The following SHOX variants were observed in gnomAD, a reference collection of about 807,000 sequenced individuals.
SHOX encodes the protein short stature homeobox protein.
A neutral mutation model predicts 29.6 loss-of-function variants in SHOX; 12 were observed. The ratio of observed to expected loss-of-function variants is 0.41; its 90% confidence interval spans 0.26 to 0.66. The LOEUF is 0.66. SHOX is among the 30% of genes least tolerant of loss of function. The probability of loss-of-function intolerance (pLI) is 0.35; values close to 1 mark genes in which losing one functional copy is unlikely to be tolerated. For synonymous variants in SHOX, 214 were observed against 200.6 expected (o/e 1.07, Z -0.57); for missense variants, 499 against 437.7 (o/e 1.14, Z -1.25).
At chrX:636,799 A>C (rs1356042111) in intron 2 of SHOX, among the ~76,000 whole-genome samples, 1 of 144,538 alleles carries the variant, frequency 6.9e-6, no homozygotes, top group Non-Finnish European at 1.5e-5. Context: ...AAATATATAT[A>C]TATTTTTGGC....
At position 634,816 on chromosome X, in the gene SHOX, C is replaced by A; in HGVS notation, c.476C>A (p.Ala159Glu). 1 of 1,571,050 alleles carries A rather than the reference C, an allele frequency of 6.4e-7. No homozygotes were observed. Among genetic ancestry groups the A allele is most frequent in the Non-Finnish European group, 8.6e-7 (1 of 1,158,446 alleles). ...ELSQRLGLSE[A>E]RVQVWFQNRR... is the part of the protein sequence containing the mutation. ...AGCCAGCGCCTGGGGCTCTCCGAGGCGCGCGTGCAGGTAGGAACCCGGGGG... is the reference window on the plus strand; with the variant it reads ...AGCCAGCGCCTGGGGCTCTCCGAGGAGCGCGTGCAGGTAGGAACCCGGGGG... The change falls in exon 2 of 5, where the codon GCG becomes GAG. Residue 159 changes from alanine (A) to glutamate (E), a missense_variant. Physicochemically the swap from Ala to Glu is moderately radical, Grantham distance 107. Transcript: ENST00000686671.
chrX:653,517 A>AT (rs973639737), downstream of SHOX, among the ~76,000 whole-genome samples: 13 of 151,856 alleles, frequency 8.6e-5, no homozygotes, highest in East Asian at 1.9e-4. Flanking sequence ...CCAGATCTTC[A>AT]TTTTTTTTGC....
Position 644,790 on chromosome X carries a change from C to A in SHOX, c.*154C>A, listed in dbSNP as rs995705769. ...CCTGCAAGAGGCCTGAGGAGGGAGG[C>A]TCCCGGGACCGTCCACGCACGACCC... On this transcript the variant is annotated 3_prime_UTR_variant, in exon 5 of 5. Transcript: ENST00000686671. 46 of 1,043,804 alleles carry A rather than the reference C, an allele frequency of 4.4e-5. No homozygotes were observed. Among genetic ancestry groups the A allele is most frequent in the Non-Finnish European group, 5.6e-5 (44 of 786,732 alleles). 64.7% of individuals were successfully genotyped at this position (1,043,804 alleles called of 1,614,324 possible). A position where few individuals can be genotyped will look rare whatever the true frequency, so the allele number is the denominator to read the frequency against.
At chrX:655,149 C>G (rs1455853139), downstream of SHOX, among the ~76,000 whole-genome samples, 1 of 151,270 alleles carries the variant, frequency 6.6e-6, no homozygotes, top group Non-Finnish European at 1.5e-5. Context: ...TGCTCTGTCA[C>G]CAGGCAGGAG....
intron 1 of SHOX, among the ~76,000 whole-genome samples, chrX:624,862 TTTTCTTTCTTTCTTTC>T (rs928739665): frequency 0.015 from 1,180 of 76,808 alleles, 27 homozygotes; most frequent in African/African-American, 0.055. Flanking sequence ...TCTTTCTTTC[TTTTCTTTCTTTCTTTC>T]TTTCTTTCTT....
downstream of SHOX, among the ~76,000 whole-genome samples, chrX:652,263 G>C (rs949089469): frequency 2.6e-5 from 4 of 151,594 alleles, no homozygotes; most frequent in South Asian, 2.1e-4. Context: ...GGTCTTGCAA[G>C]GATGATTGAG....
At chrX:625,163 TC>T (rs2052499017) in intron 1 of SHOX, among the ~76,000 whole-genome samples, 2 of 136,982 alleles carry the variant, frequency 1.5e-5, no homozygotes, top group Admixed American at 7.5e-5. Flanking sequence ...TCCTCTTCCT[TC>T]CCCCATCCTC....
upstream of SHOX, among the ~76,000 whole-genome samples, chrX:629,167 G>C (rs1260775581): frequency 1.7e-5 from 2 of 118,384 alleles, no homozygotes; most frequent in African/African-American, 3.4e-5. Context: ...CTCTCCATCT[G>C]TCTGTGTCTC....
rs2052966279 is a variant in SHOX at position 646,516 on chromosome X, C to T, written c.*1880C>T. ...TTCCTAACTTCTGATTTAGATACTT[C>T]TCCCTGAGGTGGGGATAAAAGAAAA... On this transcript the variant is annotated 3_prime_UTR_variant, in exon 5 of 5. Coordinates refer to ENST00000686671, the MANE Select transcript of SHOX (RefSeq NM_000451.4). The T allele has an allele frequency of 6.6e-6, 1 of 150,990 alleles. No homozygotes were observed. Among genetic ancestry groups the T allele is most frequent in the Admixed American group, 6.6e-5 (1 of 15,174 alleles). 9.4% of individuals were successfully genotyped at this position (150,990 alleles called of 1,614,324 possible).
chrX:655,604 CTCTCTCTCTCTATATATATA>C (rs1189377978), downstream of SHOX, among the ~76,000 whole-genome samples: 691 of 37,558 alleles, frequency 0.018, no homozygotes, highest in Non-Finnish European at 0.022. Context: ...CTCTCTCTCT[CTCTCTCTCTCTATATATATA>C]TATATATATA....
chrX:641,119 T>G (rs755069050), intron 4 of SHOX, 32 bp downstream of exon 4: 1 of 1,593,814 alleles, frequency 6.3e-7, no homozygotes. Context: ...TGAAGATCCC[T>G]AGGGACCTGC....
chrX:638,730 G>C (rs1183409868), intron 2 of SHOX, among the ~76,000 whole-genome samples: 1 of 152,206 alleles, frequency 6.6e-6, no homozygotes, highest in Non-Finnish European at 1.5e-5. Context: ...GTTTTCTGAG[G>C]TTCCCTTCAT....
At chrX:658,140 A>C (rs1031166952) in intron 5 of SHOX, among the ~76,000 whole-genome samples, 4 of 151,750 alleles carry the variant, frequency 2.6e-5, no homozygotes, top group African/African-American at 9.7e-5. Flanking sequence ...ACGCCTGGCT[A>C]ATGTTTGTAT....
At chrX:659,187 G>T (rs28645282) in exon 6 of SHOX, 6,554 of 152,140 alleles carry the variant, frequency 0.043, 243 homozygotes, top group East Asian at 0.12. Flanking sequence ...CTGGGCTCAA[G>T]CAATCCTCCC....
At chrX:658,925 A>G (rs1189277063) in exon 6 of SHOX, 12 of 254,814 alleles carry the variant, frequency 4.7e-5, no homozygotes, top group South Asian at 4.4e-4. Flanking sequence ...CCACCATGTC[A>G]AGATAATGTT....
downstream of SHOX, among the ~76,000 whole-genome samples, chrX:652,340 A>ATTTTTTT (rs746162755): frequency 5.2e-5 from 7 of 135,160 alleles, 1 homozygote; most frequent in African/African-American, 2.0e-4. Flanking sequence ...AAAATGACAA[A>ATTTTTTT]TTTTTTTTTT....
chrX:625,937 TTCTC>T (rs1306287452), upstream of SHOX, among the ~76,000 whole-genome samples: 3 of 111,912 alleles, frequency 2.7e-5, no homozygotes, highest in Non-Finnish European at 5.8e-5. Flanking sequence ...CTGTCTCTCT[TTCTC>T]TCTGTCTTCG....
intron 2 of SHOX, 163 bp downstream of exon 2, chrX:634,989 C>T (rs2052719586): frequency 9.3e-6 from 2 of 214,496 alleles, no homozygotes; most frequent in Non-Finnish European, 1.6e-5. Context: ...CTTTTGGAGA[C>T]GCCTGAGGCC....
intron 4 of SHOX, 136 bp from the exon 5 acceptor site, chrX:644,255 G>C: frequency 8.8e-7 from 1 of 1,133,022 alleles, no homozygotes; most frequent in Non-Finnish European, 1.2e-6. Context: ...CGGGTGTGGG[G>C]TGGTCTCCAC....
Sources: gnomAD v4.1 joint callset for allele counts (sites outside exome capture counted in the v4.1 genomes callset) on GRCh38, gnomAD v4.1.1 for gene constraint, MANE v1.5 for transcripts, NCBI Gene and HGNC (gene_info 2026-07-23, HGNC 2026-07-21) for gene names.